Variants in CACNB2 observed in about 807,000 individuals in gnomAD.
CACNB2 encodes the protein voltage-dependent L-type calcium channel subunit beta-2.
A neutral mutation model predicts 73.3 loss-of-function variants in CACNB2; 42 were observed. The ratio of observed to expected loss-of-function variants is 0.57; its 90% CI spans 0.45 to 0.74. CACNB2 has a LOEUF of 0.74. Among genes scored for constraint, CACNB2 ranks in the 30% least tolerant of loss-of-function variants. The pLI, the probability that CACNB2 is intolerant of heterozygous loss-of-function variation, is 0.00. For missense variants in CACNB2, 940 were observed against 853.0 expected (o/e 1.10, Z -1.27); for synonymous variants, 348 against 310.3 (o/e 1.12, Z -1.28).
chr10:18,447,498 TG>T (rs2046793314), intron 3 of CACNB2, among the ~76,000 whole-genome samples: 1 of 151,984 alleles, frequency 6.6e-6, no homozygotes, highest in Admixed American at 6.6e-5. Context: ...TAAGAAACAG[TG>T]GTCAGGGAGA....
At chr10:18,490,239 A>C (rs1358654163) in intron 3 of CACNB2, among the ~76,000 whole-genome samples, 2 of 152,182 alleles carry the variant, frequency 1.3e-5, no homozygotes, top group East Asian at 1.9e-4. Context: ...GGTACTTACG[A>C]ATTTATTTTG....
At chr10:18,416,106 C>T (rs2182346) in intron 3 of CACNB2, among the ~76,000 whole-genome samples, 22,838 of 152,066 alleles carry the variant, frequency 0.15, 2,473 homozygotes, top group African/African-American at 0.3. Flanking sequence ...TTCCATCTTA[C>T]TGTATGTTTG....
intron 2 of CACNB2, among the ~76,000 whole-genome samples, chr10:18,190,448 G>A (rs2034346240): frequency 6.6e-6 from 1 of 152,112 alleles, no homozygotes; most frequent in Non-Finnish European, 1.5e-5. Flanking sequence ...TGGAGGGAAT[G>A]GTCATGGGAG....
chr10:18,360,066 G>A (rs922167267), intron 2 of CACNB2, among the ~76,000 whole-genome samples: 5 of 152,128 alleles, frequency 3.3e-5, no homozygotes, highest in Non-Finnish European at 7.3e-5. Context: ...CACAGAGCAG[G>A]TGCTCAGGAA....
intron 5 of CACNB2, among the ~76,000 whole-genome samples, chr10:18,503,846 C>T (rs545319621): frequency 6.6e-6 from 1 of 151,966 alleles, no homozygotes; most frequent in Non-Finnish European, 1.5e-5. Context: ...TTTTTTATAG[C>T]CTTTTAATGT....
chr10:18,443,028 A>G (rs1486219936), intron 3 of CACNB2, among the ~76,000 whole-genome samples: 5 of 133,166 alleles, frequency 3.8e-5, no homozygotes, highest in East Asian at 2.1e-4. Flanking sequence ...ATATATATAT[A>G]TATATATAAA....
rs1318203652 is a variant in CACNB2, at chr10:18,340,606, A to G, written c.214-61318A>G. 3.8e-6 allele frequency: 4 copies of G among 1,063,128 alleles called. No homozygotes were observed. The South Asian group carries it at 6.0e-5, about 16-fold the overall frequency. The allele number at this position is 1,063,128 out of a possible 1,614,324, so 65.9% of individuals were successfully genotyped here. ...AATGAAGTGTTACTGTACTTTGACA[A>G]GTTTGCAGGCGTCTGTCTTCCAAGC... On this transcript the variant is annotated intron_variant, in intron 2 of 13. Transcript: ENST00000324631.
chr10:18,362,104 TAA>T (rs1482394223), intron 2 of CACNB2, among the ~76,000 whole-genome samples: 2 of 152,192 alleles, frequency 1.3e-5, no homozygotes, highest in Non-Finnish European at 2.9e-5. Flanking sequence ...GTAGCAGATA[TAA>T]GACAATTTGT....
chr10:18,427,629 G>A (rs906746692), intron 3 of CACNB2, among the ~76,000 whole-genome samples: 1 of 152,140 alleles, frequency 6.6e-6, no homozygotes. Context: ...TGTGCTTTGG[G>A]AAGATTTGAC....
chr10:18,450,125 C>G (rs1248997072), intron 3 of CACNB2, among the ~76,000 whole-genome samples: 1 of 152,236 alleles, frequency 6.6e-6, no homozygotes, highest in Admixed American at 6.5e-5. Flanking sequence ...AAGCCCAAAA[C>G]TATCCGGTTA....
chr10:18,227,687 A>G (rs1384120444), intron 2 of CACNB2, among the ~76,000 whole-genome samples: 2 of 152,160 alleles, frequency 1.3e-5, no homozygotes, highest in Admixed American at 6.5e-5. Flanking sequence ...CTTATCTACC[A>G]TAGGGAAAGG....
intron 2 of CACNB2, among the ~76,000 whole-genome samples, chr10:18,235,198 A>G (rs1431572009): frequency 6.6e-6 from 1 of 151,442 alleles, no homozygotes; most frequent in Non-Finnish European, 1.5e-5. Context: ...TATGCCTGTA[A>G]TCCCAGCACT....
At chr10:18,484,295 G>T (rs2048944012) in intron 3 of CACNB2, among the ~76,000 whole-genome samples, 1 of 151,952 alleles carries the variant, frequency 6.6e-6, no homozygotes, top group South Asian at 2.1e-4. Context: ...TTGGGAGGCT[G>T]AGGCAGGAGA....
intron 3 of CACNB2, among the ~76,000 whole-genome samples, chr10:18,416,407 T>C (rs67744136): frequency 0.31 from 46,807 of 152,100 alleles, 7,529 homozygotes; most frequent in Middle Eastern, 0.44. Context: ...AATAATGCTA[T>C]AAAGTTTTGT....
intron 3 of CACNB2, among the ~76,000 whole-genome samples, chr10:18,496,535 G>C (rs184027860): frequency 6.6e-6 from 1 of 152,136 alleles, no homozygotes; most frequent in Non-Finnish European, 1.5e-5. Context: ...AGGTTAAGCC[G>C]GACGCGGTGG....
chr10:18,530,913 A>G (rs903747946), intron 10 of CACNB2, among the ~76,000 whole-genome samples: 1 of 152,194 alleles, frequency 6.6e-6, no homozygotes, highest in Admixed American at 6.5e-5. Context: ...CTGCCCCCCA[A>G]GCCACTTTGA....
chr10:18,476,340 T>C (rs1564593392), intron 3 of CACNB2, among the ~76,000 whole-genome samples: 1 of 152,162 alleles, frequency 6.6e-6, no homozygotes, highest in East Asian at 1.9e-4. Context: ...AAGGAAAGAA[T>C]GAAGCAACAA....
At chr10:18,500,736 G>C (rs77537106) in intron 4 of CACNB2, 76 bp from the exon 5 acceptor site, 1 of 1,439,800 alleles carries the variant, frequency 6.9e-7, no homozygotes, top group Non-Finnish European at 9.7e-7. Flanking sequence ...TATTTCTCTC[G>C]ACTGAAAATA....
chr10:18,385,658 A>AG (rs1331124537), intron 2 of CACNB2, among the ~76,000 whole-genome samples: 1 of 151,720 alleles, frequency 6.6e-6, no homozygotes, highest in East Asian at 1.9e-4. Flanking sequence ...AAAAAAAAAA[A>AG]AAATTTATTC....
Sources: allele counts gnomAD v4.1 joint callset (sites outside exome capture counted in the v4.1 genomes callset), GRCh38; gene constraint gnomAD v4.1.1; transcripts MANE v1.5; gene names NCBI Gene and HGNC (gene_info 2026-07-23, HGNC 2026-07-21).